The following MRPL42 variants were observed in gnomAD, a reference collection of about 807,000 sequenced individuals.
The protein encoded by MRPL42 is mitochondrial ribosomal protein L42.
A neutral mutation model predicts 17.9 loss-of-function variants in MRPL42; 17 were observed. The ratio of observed to expected loss-of-function variants is 0.95; its 90% CI spans 0.65 to 1.42. MRPL42 has a LOEUF of 1.42. MRPL42 is among the 40% of genes most tolerant of loss of function. The pLI, the probability that MRPL42 is intolerant of heterozygous loss-of-function variation, is 0.00. For synonymous variants in MRPL42, 59 were observed against 54.4 expected (o/e 1.08, Z -0.37); for missense variants, 177 against 175.2 (o/e 1.01, Z -0.06).
chr12:93,479,162 A>G (rs1050467255), intron 3 of MRPL42, among the ~76,000 whole-genome samples: 2 of 151,388 alleles, frequency 1.3e-5, no homozygotes, highest in African/African-American at 2.4e-5. Flanking sequence ...ACCTCAAGCA[A>G]TCTGCCCACC....
chr12:93,509,536 G>A lies in MRPL42; in HGVS notation c.*8315G>A, dbSNP rs1245861852. Reference sequence around the variant, plus strand: ...TAGACCTAGCTACTCAGGAGGCTAAGACAGGAGGATCACTTGAGTCCAGAA... The same window carrying A: ...TAGACCTAGCTACTCAGGAGGCTAAAACAGGAGGATCACTTGAGTCCAGAA... On this transcript the variant is annotated 3_prime_UTR_variant, in exon 6 of 6. Transcript: ENST00000549982. The A allele has an allele frequency of 6.6e-6, 1 of 151,988 alleles. No homozygotes were observed. The highest frequency in any genetic ancestry group is 1.5e-5 in the Non-Finnish European group (1 of 68,018). The allele number at this position is 151,988 out of a possible 1,614,324, so 9.4% of individuals were successfully genotyped here. A position where few individuals can be genotyped will look rare whatever the true frequency, so the allele number is the denominator to read the frequency against.
chr12:93,502,482 TAAAG>T lies in MRPL42; in HGVS notation c.*1262_*1265del, dbSNP rs1476407430. 10 of 152,278 alleles carry T rather than the reference TAAAG, an allele frequency of 6.6e-5. No homozygotes were observed. Among genetic ancestry groups the T allele is most frequent in the Admixed American group, 2.6e-4 (4 of 15,286 alleles). The allele number at this position is 152,278 out of a possible 1,614,324, so 9.4% of individuals were successfully genotyped here. On this transcript the variant is annotated 3_prime_UTR_variant, in exon 6 of 6. Coordinates refer to ENST00000549982, the MANE Select transcript of MRPL42 (RefSeq NM_014050.4). ...CTATTGTTTGATCTAGTTATTTTAA[TAAAG>T]GAACTCTAGAAGTTTCAAGTGGCCA...
chr12:93,487,711 A>G, intron 5 of MRPL42, 51 bp downstream of exon 5: 1 of 1,434,050 alleles, frequency 7.0e-7, no homozygotes, highest in Non-Finnish European at 9.4e-7. Flanking sequence ...GTAAAGGAAC[A>G]CATGGATTTT....
intron 4 of MRPL42, among the ~76,000 whole-genome samples, chr12:93,486,235 T>C (rs533354447): frequency 6.6e-6 from 1 of 152,330 alleles, no homozygotes; most frequent in Non-Finnish European, 1.5e-5. Context: ...TCATTAACTT[T>C]GGGGGAAAGC....
chr12:93,495,135 C>G (rs1025453594), intron 5 of MRPL42, among the ~76,000 whole-genome samples: 1 of 152,116 alleles, frequency 6.6e-6, no homozygotes, highest in Non-Finnish European at 1.5e-5. Context: ...GAGTTTTTTC[C>G]TTTTCACCCA....
chr12:93,501,342 T>C lies in MRPL42; in HGVS notation c.*121T>C. 1 of 553,532 alleles carries C rather than the reference T, an allele frequency of 1.8e-6. No individual in the cohort carries two copies. The highest frequency in any genetic ancestry group is 2.9e-6 in the Non-Finnish European group (1 of 339,184). The allele number at this position is 553,532 out of a possible 1,614,324, so 34.3% of individuals were successfully genotyped here. On this transcript the variant is annotated 3_prime_UTR_variant, in exon 6 of 6. Transcript: ENST00000549982. ...AATGATAAAATATCTTTTCATATAT[T>C]AGAATGTGTACTTTTATATAAAGTA...
chr12:93,488,367 A>T, intron 5 of MRPL42: 1 of 398,370 alleles, frequency 2.5e-6, no homozygotes, highest in South Asian at 1.3e-4. Flanking sequence ...CTCAGCTGGG[A>T]TTGTAAGAAT....
intron 3 of MRPL42, among the ~76,000 whole-genome samples, chr12:93,478,240 G>A (rs1880278834): frequency 6.6e-6 from 1 of 151,536 alleles, no homozygotes; most frequent in Admixed American, 6.6e-5. Flanking sequence ...ACAGGTGTGA[G>A]CCATCATGGT....
At chr12:93,490,206 C>T (rs538934797) in intron 5 of MRPL42, among the ~76,000 whole-genome samples, 2 of 152,316 alleles carry the variant, frequency 1.3e-5, no homozygotes, top group African/African-American at 4.8e-5. Flanking sequence ...GACAGGGAGA[C>T]TAGGAGTCTT....
rs2121294368 is a variant in MRPL42 at position 93,506,021 on chromosome 12, G to A, written c.*4800G>A. The stretch of plus-strand genomic sequence containing the variant: ...AGCCCACTGCAACCTCCGCCTCATA[G>A]GCTCAAGCAATTCTCCTGCCTCAGC... On this transcript the variant is annotated 3_prime_UTR_variant, in exon 6 of 6. Transcript: ENST00000549982. 6.6e-6 allele frequency: 1 copy of A among 150,972 alleles called. No individual in the cohort carries two copies. The highest frequency in any genetic ancestry group is 3.4e-3 in the Middle Eastern group (1 of 296). 9.4% of individuals were successfully genotyped at this position (150,972 alleles called of 1,614,324 possible). A position where few individuals can be genotyped will look rare whatever the true frequency, so the allele number is the denominator to read the frequency against.
intron 5 of MRPL42, chr12:93,488,242 T>C (rs1953345166): frequency 2.5e-6 from 1 of 395,418 alleles, no homozygotes; most frequent in East Asian, 3.6e-5. Context: ...AGTGCTGGGA[T>C]TACAGGCGTG....
rs1028694840 is a variant in MRPL42 at position 93,484,761 on chromosome 12, T to A, written c.220-2736T>A. ...ACAGGCATGCACCACAACACCTGGC[T>A]AATTTTTTGTATTTTCAGTAGAGAC... On this transcript the variant is annotated intron_variant, in intron 4 of 5. Coordinates refer to ENST00000549982, the MANE Select transcript of MRPL42 (RefSeq NM_014050.4). Among the ~76,000 whole-genome samples, 4 of 150,996 alleles carry A rather than the reference T, an allele frequency of 2.6e-5. 1 individual carries two copies. The highest frequency in any genetic ancestry group is 1.3e-4 in the Admixed American group (2 of 15,090).
rs776251369 is a variant in MRPL42, at chr12:93,487,483, T to G, written c.220-14T>G. 6.2e-7 allele frequency: 1 copy of G among 1,601,944 alleles called. No individual in the cohort carries two copies. The highest frequency in any genetic ancestry group is 8.5e-7 in the Non-Finnish European group (1 of 1,174,648). On this transcript the variant is annotated splice_polypyrimidine_tract_variant and intron_variant, in intron 4 of 5. Transcript: ENST00000549982. ...CCCACATCTTCATGATGTTTGTTAC[T>G]GATTATTTTGTAGCCTATCCCTCGG... is the stretch of plus-strand genomic sequence containing the variant.
intron 5 of MRPL42, chr12:93,488,239 G>A (rs1592779672): frequency 5.1e-6 from 2 of 394,316 alleles, no homozygotes; most frequent in African/African-American, 4.1e-5. Context: ...CAAAGTGCTG[G>A]GATTACAGGC....
At chr12:93,487,166 G>A (rs1442212998) in intron 4 of MRPL42, among the ~76,000 whole-genome samples, 1 of 151,668 alleles carries the variant, frequency 6.6e-6, no homozygotes, top group Non-Finnish European at 1.5e-5. Flanking sequence ...TGTTGTCCAA[G>A]CTGGTCCCAT....
In MRPL42 at chr12:93,484,999, T is replaced by TACAC. The variant is rs1565813832; in HGVS notation, c.220-2497_220-2496insCACA. On this transcript the variant is annotated intron_variant, in intron 4 of 5. Coordinates refer to ENST00000549982, the MANE Select transcript of MRPL42 (RefSeq NM_014050.4). ...ACACACATATATATATATATATATA[T>TACAC]ATATATATATATATATATATATATA... is the stretch of plus-strand genomic sequence containing the variant. 3.2e-4 allele frequency among the ~76,000 whole-genome samples: 22 copies of TACAC among 69,402 alleles called. 3 individuals are homozygous for TACAC. Among genetic ancestry groups the TACAC allele is most frequent in the Admixed American group, 6.6e-4 (4 of 6,036 alleles). The allele number at this position is 69,402 out of a possible 152,430, so 45.5% of individuals were successfully genotyped here. A position where few individuals can be genotyped will look rare whatever the true frequency, so the allele number is the denominator to read the frequency against.
chr12:93,505,871 T>C lies in MRPL42; in HGVS notation c.*4650T>C, dbSNP rs894134252. ...ATGGAGGCAGAGTCTCACAATTACA[T>C]GTGAGAATAGCAAGTAGAACCTTAT... On this transcript the variant is annotated 3_prime_UTR_variant, in exon 6 of 6. Transcript: ENST00000549982. The C allele has an allele frequency of 1.3e-5, 2 of 151,906 alleles. No homozygotes were observed. Among genetic ancestry groups the C allele is most frequent in the Non-Finnish European group, 2.9e-5 (2 of 68,036 alleles). 9.4% of individuals were successfully genotyped at this position (151,906 alleles called of 1,614,324 possible). A position where few individuals can be genotyped will look rare whatever the true frequency, so the allele number is the denominator to read the frequency against.
intron 5 of MRPL42, among the ~76,000 whole-genome samples, chr12:93,495,968 C>A (rs1592785809): frequency 6.6e-6 from 1 of 152,150 alleles, no homozygotes; most frequent in South Asian, 2.1e-4. Context: ...AGATAGTATT[C>A]CATCAGACAA....
At chr12:93,478,938 A>C (rs146679620) in intron 3 of MRPL42, among the ~76,000 whole-genome samples, 2 of 79,982 alleles carry the variant, frequency 2.5e-5, no homozygotes, top group Non-Finnish European at 7.8e-5. Flanking sequence ...TTATTTATTT[A>C]TTTATTTTTT....
Sources: allele counts gnomAD v4.1 joint callset (sites outside exome capture counted in the v4.1 genomes callset), GRCh38; gene constraint gnomAD v4.1.1; transcripts MANE v1.5; gene names NCBI Gene and HGNC (gene_info 2026-07-23, HGNC 2026-07-21).